Variants in NOL10 observed in about 807,000 individuals in gnomAD.
NOL10 encodes H_NH0074G24.1.
A neutral mutation model predicts 103.5 loss-of-function variants in NOL10; 58 were observed. The observed-to-expected ratio is 0.56, with a 90% CI of 0.45 to 0.70. The LOEUF (loss-of-function observed/expected upper bound fraction) is 0.70, where lower values mean the gene tolerates loss of function less well. Ranked by LOEUF, NOL10 falls within the 30% of genes least tolerant of loss-of-function variation. The pLI is 0.00. For synonymous variants in NOL10, 287 were observed against 282.5 expected, an observed-to-expected ratio of 1.02 and a Z score of -0.16; for missense variants, 763 against 807.3, an observed-to-expected ratio of 0.95 and a Z score of 0.67.
chr2:10,572,789 C>T (rs764518500), intron 20 of NOL10, among the ~76,000 whole-genome samples: 4 of 152,180 alleles, frequency 2.6e-5, no homozygotes, highest in Non-Finnish European at 4.4e-5. Flanking sequence ...TGATAAAAGC[C>T]AGGCAGACGA....
At chr2:10,595,968 A>G (rs559090419) in intron 17 of NOL10, among the ~76,000 whole-genome samples, 16 of 151,974 alleles carry the variant, frequency 1.1e-4, no homozygotes, top group Non-Finnish European at 1.6e-4. Flanking sequence ...ACTGTAATTT[A>G]AAAAAAACAA....
chr2:10,671,720 T>C (rs1376260132), intron 5 of NOL10, 30 bp from the exon 6 acceptor site: 2 of 1,511,668 alleles, frequency 1.3e-6, no homozygotes, highest in Non-Finnish European at 1.8e-6. Flanking sequence ...ATTAGTTTGC[T>C]TAGGTTTCTA....
In NOL10 at chr2:10,678,104, A is replaced by G. The variant is rs539021278; in HGVS notation, c.212-2233T>C. Among the ~76,000 whole-genome samples, 3 of 152,232 alleles carry G rather than the reference A, an allele frequency of 2.0e-5. No homozygotes were observed. The East Asian group carries it at 5.8e-4, about 29-fold the overall frequency. The stretch of plus-strand genomic sequence containing the variant: ...CTCGCTGTTGCCCAGGTTGGAGCAC[A>G]GTGGTGCAATCATAGCTCACTGTAA... On this transcript the variant is annotated intron_variant, in intron 3 of 20. Coordinates refer to ENST00000381685, the MANE Select transcript of NOL10 (RefSeq NM_024894.4).
intron 19 of NOL10, among the ~76,000 whole-genome samples, chr2:10,585,863 G>A (rs992656148): frequency 2.0e-5 from 3 of 152,206 alleles, no homozygotes; most frequent in Non-Finnish European, 4.4e-5. Flanking sequence ...TACACGTTCA[G>A]TACAGTTACA....
chr2:10,677,930 G>A (rs971008932), intron 3 of NOL10, among the ~76,000 whole-genome samples: 1 of 146,860 alleles, frequency 6.8e-6, no homozygotes, highest in Non-Finnish European at 1.5e-5. Context: ...CATATAGACA[G>A]ATACATATAT....
At chr2:10,673,841 T>C (rs1046363996) in intron 4 of NOL10, among the ~76,000 whole-genome samples, 3 of 152,094 alleles carry the variant, frequency 2.0e-5, no homozygotes, top group African/African-American at 7.2e-5. Flanking sequence ...CTCTGAGATG[T>C]TGAAAACAAA....
At chr2:10,609,453 A>AAT (rs1676439087) in intron 13 of NOL10, among the ~76,000 whole-genome samples, 1 of 141,804 alleles carries the variant, frequency 7.1e-6, no homozygotes, top group Admixed American at 6.9e-5. Context: ...AAAAAAAAAA[A>AAT]ATCAGGCGCG....
In NOL10 at chr2:10,571,903, T is replaced by C; in HGVS notation, c.*168A>G. On this transcript the variant is annotated 3_prime_UTR_variant, in exon 21 of 21. Transcript: ENST00000381685. ...GCGGTGGCCGTCGGCGGGGCCAGCT[T>C]CAAAGTCCAACCCACAAGGCACAGG... 1.3e-6 allele frequency: 1 copy of C among 786,794 alleles called. No individual in the cohort carries two copies. The highest frequency in any genetic ancestry group is 1.9e-6 in the Non-Finnish European group (1 of 514,082). 48.7% of individuals were successfully genotyped at this position (786,794 alleles called of 1,614,324 possible). A position where few individuals can be genotyped will look rare whatever the true frequency, so the allele number is the denominator to read the frequency against.
At chr2:10,576,078 G>T (rs1450746456) in intron 20 of NOL10, among the ~76,000 whole-genome samples, 1 of 152,166 alleles carries the variant, frequency 6.6e-6, no homozygotes, top group Non-Finnish European at 1.5e-5. Context: ...ATGTGATGAG[G>T]TAGTTCTCCA....
intron 12 of NOL10, among the ~76,000 whole-genome samples, chr2:10,648,690 A>AG (rs1679252721): frequency 6.6e-6 from 1 of 152,156 alleles, no homozygotes; most frequent in Admixed American, 6.6e-5. Context: ...ATTTAATCTA[A>AG]ACTTAATTAA....
chr2:10,651,164 G>A (rs1003373271), intron 12 of NOL10, among the ~76,000 whole-genome samples: 2 of 152,206 alleles, frequency 1.3e-5, no homozygotes, highest in African/African-American at 4.8e-5. Context: ...TAGGCACACA[G>A]CCTGCGGGGG....
chr2:10,658,881 C>A (rs1288359209), intron 10 of NOL10, among the ~76,000 whole-genome samples: 1 of 152,186 alleles, frequency 6.6e-6, no homozygotes, highest in Non-Finnish European at 1.5e-5. Flanking sequence ...GAGTTCAAGA[C>A]CAGCTTGGGC....
At chr2:10,572,963 GAA>G (rs1674259286) in intron 20 of NOL10, among the ~76,000 whole-genome samples, 1 of 151,936 alleles carries the variant, frequency 6.6e-6, no homozygotes, top group Admixed American at 6.6e-5. Flanking sequence ...GAAATTCTTA[GAA>G]GAGCATCAGT....
intron 12 of NOL10, among the ~76,000 whole-genome samples, chr2:10,649,150 G>T (rs930347590): frequency 4.6e-5 from 7 of 152,064 alleles, no homozygotes; most frequent in African/African-American, 1.7e-4. Flanking sequence ...GTGCCACCAT[G>T]TCTGCAGCTG....
intron 13 of NOL10, chr2:10,634,552 G>A (rs1312698859): frequency 4.4e-6 from 2 of 456,726 alleles, no homozygotes; most frequent in Admixed American, 2.3e-5. Context: ...GTAGCTCAGA[G>A]GGAAGGCTGG....
chr2:10,592,478 C>T (rs1009221215), intron 17 of NOL10, among the ~76,000 whole-genome samples: 5 of 152,008 alleles, frequency 3.3e-5, no homozygotes, highest in African/African-American at 1.2e-4. Context: ...GAACGATGCG[C>T]CATGTCTCAG....
chr2:10,621,359 C>A (rs1466262327), intron 13 of NOL10, among the ~76,000 whole-genome samples: 1 of 152,032 alleles, frequency 6.6e-6, no homozygotes. Flanking sequence ...TTTGGGATGG[C>A]AAAGCAGGAG....
intron 12 of NOL10, among the ~76,000 whole-genome samples, chr2:10,645,812 A>G (rs1318576198): frequency 6.6e-6 from 1 of 151,998 alleles, no homozygotes; most frequent in Non-Finnish European, 1.5e-5. Context: ...TACAGGCATG[A>G]GCCACCGCAT....
chr2:10,658,325 G>A (rs1193427763), intron 10 of NOL10, among the ~76,000 whole-genome samples: 1 of 152,138 alleles, frequency 6.6e-6, no homozygotes, highest in African/African-American at 2.4e-5. Flanking sequence ...GAATCTCTTC[G>A]GACCCGTCAC....
Sources: gnomAD v4.1 joint callset for allele counts (sites outside exome capture counted in the v4.1 genomes callset) on GRCh38, gnomAD v4.1.1 for gene constraint, MANE v1.5 for transcripts, NCBI Gene and HGNC (gene_info 2026-07-23, HGNC 2026-07-21) for gene names.